ATP6V1H: variants seen among roughly 807,000 people sequenced by gnomAD.
The protein encoded by ATP6V1H is V-type proton ATPase subunit H.
Under a neutral mutation model 71.7 loss-of-function variants are expected in ATP6V1H, and 39 were observed. The ratio of observed to expected loss-of-function variants is 0.54; its 90% CI spans 0.42 to 0.71. The LOEUF (loss-of-function observed/expected upper bound fraction) is 0.71, where lower values mean the gene tolerates loss of function less well. Among genes scored for constraint, ATP6V1H ranks in the 30% least tolerant of loss-of-function variants. The pLI is 0.00. For synonymous variants in ATP6V1H, 192 were observed against 199.3 expected, an observed-to-expected ratio of 0.96 and a Z score of 0.31; for missense variants, 509 against 594.9, an observed-to-expected ratio of 0.86 and a Z score of 1.50.
intron 4 of ATP6V1H, among the ~76,000 whole-genome samples, chr8:53,827,176 G>A (rs978983043): frequency 1.3e-5 from 2 of 151,888 alleles, no homozygotes; most frequent in African/African-American, 4.8e-5. Context: ...AAGGTCAGGA[G>A]TTTTGAGACC....
chr8:53,834,879 T>C (rs919559303), intron 2 of ATP6V1H, among the ~76,000 whole-genome samples: 2 of 149,830 alleles, frequency 1.3e-5, no homozygotes, highest in Admixed American at 1.3e-4. Context: ...CAGTGGCTCA[T>C]GCCTGTAATC....
At chr8:53,773,062 T>C (rs185904900) in intron 9 of ATP6V1H, among the ~76,000 whole-genome samples, 105 of 152,326 alleles carry the variant, frequency 6.9e-4, no homozygotes, top group African/African-American at 2.4e-3. Flanking sequence ...GTGAAATCAA[T>C]GCCCACCAAT....
intron 9 of ATP6V1H, among the ~76,000 whole-genome samples, chr8:53,776,862 A>G (rs1251062188): frequency 6.6e-6 from 1 of 152,248 alleles, no homozygotes; most frequent in Non-Finnish European, 1.5e-5. Context: ...AGACACAGAA[A>G]CTAAATTCCC....
At chr8:53,797,075 C>T (rs919386592) in intron 8 of ATP6V1H, among the ~76,000 whole-genome samples, 2 of 152,182 alleles carry the variant, frequency 1.3e-5, no homozygotes, top group African/African-American at 2.4e-5. Flanking sequence ...AAAATCATGT[C>T]ACTTTATACT....
At chr8:53,770,883 C>T (rs1410329048) in intron 10 of ATP6V1H, among the ~76,000 whole-genome samples, 1 of 152,134 alleles carries the variant, frequency 6.6e-6, no homozygotes, top group African/African-American at 2.4e-5. Context: ...TATTCCTGGC[C>T]TGCCTATTAT....
At chr8:53,803,942 C>A (rs1189039332) in intron 7 of ATP6V1H, among the ~76,000 whole-genome samples, 1 of 152,172 alleles carries the variant, frequency 6.6e-6, no homozygotes, top group Non-Finnish European at 1.5e-5. Flanking sequence ...TTCCTCTCAT[C>A]ACAAAAATTC....
chr8:53,749,511 T>G (rs1807720351), intron 12 of ATP6V1H, among the ~76,000 whole-genome samples: 1 of 152,138 alleles, frequency 6.6e-6, no homozygotes, highest in Non-Finnish European at 1.5e-5. Context: ...CTTCTCCTCC[T>G]CATGGAGCTG....
At chr8:53,782,662 G>T (rs2130367798) in intron 9 of ATP6V1H, among the ~76,000 whole-genome samples, 1 of 152,318 alleles carries the variant, frequency 6.6e-6, no homozygotes, top group South Asian at 2.1e-4. Context: ...CATTCAGTAT[G>T]ATATTGGCTG....
At chr8:53,759,574 A>G (rs547660321) in intron 11 of ATP6V1H, among the ~76,000 whole-genome samples, 4 of 152,246 alleles carry the variant, frequency 2.6e-5, no homozygotes, top group African/African-American at 7.2e-5. Context: ...CTGCCTCGAC[A>G]TTAGCTAGAA....
intron 9 of ATP6V1H, among the ~76,000 whole-genome samples, chr8:53,782,776 C>T (rs1323263155): frequency 6.6e-6 from 1 of 152,082 alleles, no homozygotes; most frequent in Non-Finnish European, 1.5e-5. Flanking sequence ...TGTCAAAGGC[C>T]TTTTCTGCAT....
chr8:53,800,252 G>A (rs1809865706), intron 8 of ATP6V1H, among the ~76,000 whole-genome samples: 1 of 152,160 alleles, frequency 6.6e-6, no homozygotes, highest in African/African-American at 2.4e-5. Context: ...ATACAGCTGT[G>A]CGTCCTCACT....
chr8:53,774,289 A>C (rs951903146), intron 9 of ATP6V1H, among the ~76,000 whole-genome samples: 1 of 152,218 alleles, frequency 6.6e-6, no homozygotes, highest in Non-Finnish European at 1.5e-5. Flanking sequence ...AAACACACAA[A>C]ACTAAAACAT....
intron 2 of ATP6V1H, among the ~76,000 whole-genome samples, chr8:53,835,384 A>C (rs952669282): frequency 1.3e-5 from 2 of 152,160 alleles, no homozygotes; most frequent in African/African-American, 4.8e-5. Context: ...AGAGCCTGGG[A>C]AGGTGAGGCA....
At chr8:53,806,198 G>A (rs1003408542) in intron 7 of ATP6V1H, among the ~76,000 whole-genome samples, 4 of 151,820 alleles carry the variant, frequency 2.6e-5, no homozygotes, top group African/African-American at 7.3e-5. Context: ...ACTTAATCTC[G>A]AAAATTGTTT....
chr8:53,720,772 T>C (rs1291113013), intron 13 of ATP6V1H, among the ~76,000 whole-genome samples: 2 of 152,240 alleles, frequency 1.3e-5, no homozygotes, highest in Admixed American at 6.5e-5. Context: ...TGAAAACTAC[T>C]AAGTCTCTTT....
intron 9 of ATP6V1H, among the ~76,000 whole-genome samples, chr8:53,790,318 A>T (rs1809527780): frequency 6.6e-6 from 1 of 152,170 alleles, no homozygotes; most frequent in African/African-American, 2.4e-5. Flanking sequence ...TCTAGGTAAC[A>T]TCCAAAGACA....
intron 13 of ATP6V1H, among the ~76,000 whole-genome samples, chr8:53,720,412 G>A (rs890984703): frequency 2.0e-5 from 3 of 152,196 alleles, no homozygotes; most frequent in African/African-American, 7.2e-5. Flanking sequence ...CTTCCCACAA[G>A]GCACAAGGTG....
At chr8:53,748,823 A>G (rs1051393888) in intron 12 of ATP6V1H, among the ~76,000 whole-genome samples, 28 of 152,190 alleles carry the variant, frequency 1.8e-4, no homozygotes, top group African/African-American at 6.8e-4. Flanking sequence ...ACTTTTCATG[A>G]TGACTATAAG....
At chr8:53,746,734 T>C (rs959875614) in intron 12 of ATP6V1H, among the ~76,000 whole-genome samples, 4 of 151,996 alleles carry the variant, frequency 2.6e-5, no homozygotes, top group African/African-American at 9.7e-5. Context: ...GCACCAATTA[T>C]TTTCAGATTA....
Sources: gnomAD v4.1 joint callset for allele counts (sites outside exome capture counted in the v4.1 genomes callset) on GRCh38, gnomAD v4.1.1 for gene constraint, MANE v1.5 for transcripts, NCBI Gene and HGNC (gene_info 2026-07-23, HGNC 2026-07-21) for gene names.